Variants in ITGA8 observed in about 807,000 individuals in gnomAD.
ITGA8 encodes integrin alpha-8.
ITGA8 carries 91 observed loss-of-function variants against 142.3 expected under a neutral mutation model. The observed-to-expected ratio is 0.64, with a 90% confidence interval of 0.54 to 0.76. ITGA8 has a LOEUF of 0.76. Ranked by LOEUF, ITGA8 falls within the 30% of genes least tolerant of loss-of-function variation. The pLI is 0.00. For missense variants in ITGA8, 1,406 were observed against 1,327.7 expected, an observed-to-expected ratio of 1.06 and a Z score of -0.92; for synonymous variants, 505 against 485.2, an observed-to-expected ratio of 1.04 and a Z score of -0.54.
rs915655319 is a variant in ITGA8 at position 15,668,561 on chromosome 10, T to C, written c.847+3042A>G. Reference sequence around the variant, plus strand: ...TTATGTGTGAATTTGATCCTGTCATTATGATGTTAGCTGGTTATTTTGCTC... The same window carrying C: ...TTATGTGTGAATTTGATCCTGTCATCATGATGTTAGCTGGTTATTTTGCTC... On this transcript the variant is annotated intron_variant, in intron 8 of 29. Transcript: ENST00000378076. Among the ~76,000 whole-genome samples the C allele has an allele frequency of 2.2e-4, 34 of 152,100 alleles. 1 individual carries two copies. The highest frequency in any genetic ancestry group is 2.9e-4 in the Non-Finnish European group (20 of 68,018).
chr10:15,641,622 CATGGATGAA>C (rs1833873489), intron 13 of ITGA8, among the ~76,000 whole-genome samples: 1 of 152,180 alleles, frequency 6.6e-6, no homozygotes, highest in South Asian at 2.1e-4. Flanking sequence ...TACCAAGATG[CATGGATGAA>C]CTCTGAAAGC....
chr10:15,605,737 G>A lies in ITGA8; in HGVS notation c.1957C>T (p.Leu653=), dbSNP rs767236358. The A allele has an allele frequency of 6.2e-7, 1 of 1,612,982 alleles. No homozygotes were observed. The highest frequency in any genetic ancestry group is 1.3e-5 in the African/African-American group (1 of 74,898). Residue 653 remains leucine (L), a synonymous_variant, in exon 19 of 30, where the codon CTG becomes TTG. Coordinates refer to ENST00000378076, the MANE Select transcript of ITGA8 (RefSeq NM_003638.3). The part of the protein sequence containing the change: ...EDNLCVPDLK[L]SARPDKHQVI... Reference sequence around the variant, plus strand: ...ATTTAAACTTACGGTCTAGCCGACAGCTTCAAGTCAGGAACACACAGATTG... The same window carrying A: ...ATTTAAACTTACGGTCTAGCCGACAACTTCAAGTCAGGAACACACAGATTG...
At chr10:15,562,867 A>G (rs1464047008) in intron 25 of ITGA8, among the ~76,000 whole-genome samples, 1 of 152,064 alleles carries the variant, frequency 6.6e-6, no homozygotes, top group Non-Finnish European at 1.5e-5. Context: ...TGGTTTGGAT[A>G]TTTGTCCTCC....
At position 15,718,636 on chromosome 10, in the gene ITGA8, A is replaced by G. The variant is rs913634107; in HGVS notation, c.343+130T>C. Reference sequence around the variant, plus strand: ...AAAACTGATTTCTCTAGAGACCCACATAGCCCACAATACGGACATATCAGA... The same window carrying G: ...AAAACTGATTTCTCTAGAGACCCACGTAGCCCACAATACGGACATATCAGA... On this transcript the variant is annotated intron_variant, in intron 2 of 29. Transcript: ENST00000378076. The G allele has an allele frequency of 1.5e-5, 17 of 1,162,824 alleles. No individual in the cohort carries two copies. The African/African-American group carries it at 1.5e-4, about 11-fold the overall frequency. 72.0% of individuals were successfully genotyped at this position (1,162,824 alleles called of 1,614,324 possible). A position where few individuals can be genotyped will look rare whatever the true frequency, so the allele number is the denominator to read the frequency against.
At chr10:15,706,356 G>A (rs1438558934) in intron 2 of ITGA8, among the ~76,000 whole-genome samples, 3 of 151,914 alleles carry the variant, frequency 2.0e-5, no homozygotes, top group East Asian at 1.9e-4. Context: ...CCCTTTCACC[G>A]GAAAGGGAAC....
In ITGA8 at chr10:15,611,297, T is replaced by G. The variant is rs188324125; in HGVS notation, c.1553+2363A>C. On this transcript the variant is annotated intron_variant, in intron 15 of 29. Coordinates refer to ENST00000378076, the MANE Select transcript of ITGA8 (RefSeq NM_003638.3). ...AGGCACCATTCACAAATTTTGCATG[T>G]GAAAATAAGACTTCTTCCAGAAAAA... Among the ~76,000 whole-genome samples the G allele has an allele frequency of 4.7e-3, 708 of 152,246 alleles. 2 individuals carry two copies. Among genetic ancestry groups the G allele is most frequent in the Non-Finnish European group, 7.1e-3 (480 of 68,014 alleles).
chr10:15,574,147 A>G (rs1834238969), intron 24 of ITGA8, among the ~76,000 whole-genome samples: 1 of 152,006 alleles, frequency 6.6e-6, no homozygotes, highest in African/African-American at 2.4e-5. Flanking sequence ...TAACTGAAAA[A>G]AGCTTAAATG....
In ITGA8 at chr10:15,685,870, ATCT is replaced by A. The variant is rs368096142; in HGVS notation, c.445-1746_445-1744del. Among the ~76,000 whole-genome samples, 445 of 152,360 alleles carry A rather than the reference ATCT, an allele frequency of 2.9e-3. 1 individual carries two copies. Among genetic ancestry groups the A allele is most frequent in the African/African-American group, 1.0e-2 (415 of 41,600 alleles). On this transcript the variant is annotated intron_variant, in intron 3 of 29. Coordinates refer to ENST00000378076, the MANE Select transcript of ITGA8 (RefSeq NM_003638.3). ...ATTCTCACAAGAGCACTGTATGGAAATCTTCTTCAAGTAAATGAAATAACGAGA... is the reference window on the plus strand; with the variant it reads ...ATTCTCACAAGAGCACTGTATGGAAATCTTCAAGTAAATGAAATAACGAGA...
At chr10:15,561,229 ATATATGTATATATATATATATATATG>A (rs1252062300) in intron 25 of ITGA8, among the ~76,000 whole-genome samples, 1 of 94,276 alleles carries the variant, frequency 1.1e-5, no homozygotes, top group African/African-American at 3.8e-5. Context: ...ATATATATAT[ATATATGTATATATATATATATATATG>A]TATGTAAAAT....
intron 13 of ITGA8, among the ~76,000 whole-genome samples, chr10:15,624,577 C>T (rs762853850): frequency 7.9e-5 from 12 of 152,260 alleles, no homozygotes; most frequent in Middle Eastern, 3.4e-3. Context: ...TCTTCCCATT[C>T]GCCTTCATAA....
chr10:15,522,164 A>C (rs1324860044), intron 28 of ITGA8, among the ~76,000 whole-genome samples: 1 of 152,246 alleles, frequency 6.6e-6, no homozygotes, highest in Non-Finnish European at 1.5e-5. Flanking sequence ...TGATTTGATC[A>C]CTATACGTTA....
chr10:15,703,256 A>T (rs1410256042), intron 2 of ITGA8, among the ~76,000 whole-genome samples: 1 of 152,122 alleles, frequency 6.6e-6, no homozygotes, highest in Non-Finnish European at 1.5e-5. Flanking sequence ...TGCTGTAATT[A>T]TTTTCATGTC....
intron 6 of ITGA8, among the ~76,000 whole-genome samples, chr10:15,673,089 GT>G (rs1255323813): frequency 1.3e-5 from 2 of 149,952 alleles, no homozygotes; most frequent in African/African-American, 5.1e-5. Flanking sequence ...TTGTTTGTTT[GT>G]TTTTGTTTTT....
chr10:15,523,849 C>T (rs1214839637), intron 28 of ITGA8, among the ~76,000 whole-genome samples: 2 of 151,844 alleles, frequency 1.3e-5, no homozygotes, highest in South Asian at 2.1e-4. Context: ...GGAGAATCAC[C>T]TGAACCTGGG....
At chr10:15,644,245 T>C (rs1205538368) in intron 12 of ITGA8, 24 bp from the exon 13 acceptor site, 2 of 1,600,828 alleles carry the variant, frequency 1.2e-6, no homozygotes, top group Non-Finnish European at 1.7e-6. Flanking sequence ...TAAAACATGT[T>C]TTATGTGTAT....
At chr10:15,548,147 A>G (rs1833714368) in intron 27 of ITGA8, among the ~76,000 whole-genome samples, 1 of 150,648 alleles carries the variant, frequency 6.6e-6, no homozygotes, top group Non-Finnish European at 1.5e-5. Flanking sequence ...GCTGGAGTGC[A>G]GTGGCACAAT....
intron 3 of ITGA8, among the ~76,000 whole-genome samples, chr10:15,687,518 T>G (rs1281183243): frequency 2.0e-5 from 3 of 152,194 alleles, no homozygotes; most frequent in African/African-American, 7.2e-5. Flanking sequence ...AAAATTATTA[T>G]GAAAGACAGC....
At chr10:15,674,007 C>T (rs1834578999) in intron 6 of ITGA8, among the ~76,000 whole-genome samples, 1 of 149,578 alleles carries the variant, frequency 6.7e-6, no homozygotes, top group Non-Finnish European at 1.5e-5. Flanking sequence ...GTTCAAAAGA[C>T]TATCATTTAA....
At chr10:15,537,274 A>G (rs1182161445) in intron 27 of ITGA8, among the ~76,000 whole-genome samples, 1 of 152,222 alleles carries the variant, frequency 6.6e-6, no homozygotes, top group Non-Finnish European at 1.5e-5. Flanking sequence ...CCCAATGTAC[A>G]GTGTATTCTT....
Sources: gnomAD v4.1 joint callset for allele counts (sites outside exome capture counted in the v4.1 genomes callset) on GRCh38, gnomAD v4.1.1 for gene constraint, MANE v1.5 for transcripts, NCBI Gene and HGNC (gene_info 2026-07-23, HGNC 2026-07-21) for gene names.